Variants in MALRD1 observed in about 807,000 individuals in gnomAD.
MALRD1 encodes the protein MAM and LDL receptor class A domain containing 1, also known as MAM and LDL-receptor class A domain-containing protein 1.
MALRD1 carries 247 observed loss-of-function variants against 242.1 expected under a neutral mutation model. That is an observed-to-expected ratio of 1.02 (90% CI 0.92 to 1.13). The LOEUF (loss-of-function observed/expected upper bound fraction) is 1.13. Among genes scored for constraint, MALRD1 ranks in the 50% most tolerant of loss-of-function variants. The pLI, the probability that MALRD1 is intolerant of heterozygous loss-of-function variation, is 0.00. For synonymous variants in MALRD1, 995 were observed against 866.6 expected (o/e 1.15, Z -2.60); for missense variants, 2,989 against 2,533.1 (o/e 1.18, Z -3.86).
At chr10:19,362,807 C>T (rs1844946976) in intron 26 of MALRD1, among the ~76,000 whole-genome samples, 1 of 151,988 alleles carries the variant, frequency 6.6e-6, no homozygotes, top group Admixed American at 6.6e-5. Flanking sequence ...AGCAGCAGGA[C>T]TACTTAGGAG....
intron 30 of MALRD1, among the ~76,000 whole-genome samples, chr10:19,493,960 G>T (rs1020857092): frequency 2.6e-5 from 4 of 152,100 alleles, no homozygotes; most frequent in Non-Finnish European, 5.9e-5. Flanking sequence ...AGTCACCCAC[G>T]ACACAGTAAA....
At chr10:19,259,512 C>T (rs545521543) in intron 19 of MALRD1, among the ~76,000 whole-genome samples, 1 of 152,272 alleles carries the variant, frequency 6.6e-6, no homozygotes, top group Non-Finnish European at 1.5e-5. Context: ...TACAGGGTAA[C>T]TCCCCTTTAT....
chr10:19,360,980 A>G (rs1844869056), intron 26 of MALRD1, among the ~76,000 whole-genome samples: 1 of 152,022 alleles, frequency 6.6e-6, no homozygotes, highest in South Asian at 2.1e-4. Flanking sequence ...TTAACTACAT[A>G]AAAGTAAGCA....
At chr10:19,359,534 A>G (rs941380271) in intron 26 of MALRD1, among the ~76,000 whole-genome samples, 6 of 152,102 alleles carry the variant, frequency 3.9e-5, no homozygotes, top group Admixed American at 1.3e-4. Context: ...CTGTGGGCCA[A>G]TACTCCACTG....
At chr10:19,277,294 G>A (rs1840579280) in intron 19 of MALRD1, among the ~76,000 whole-genome samples, 1 of 152,134 alleles carries the variant, frequency 6.6e-6, no homozygotes, top group Admixed American at 6.5e-5. Flanking sequence ...TTGGGGAATA[G>A]AATGCTCATT....
At chr10:19,300,968 G>A (rs1007524858) in intron 21 of MALRD1, among the ~76,000 whole-genome samples, 3 of 152,004 alleles carry the variant, frequency 2.0e-5, no homozygotes. Context: ...CATTGGCAAA[G>A]GCCTAACTTC....
chr10:19,626,228 C>T (rs992013061), intron 36 of MALRD1, among the ~76,000 whole-genome samples: 1 of 151,358 alleles, frequency 6.6e-6, no homozygotes, highest in Admixed American at 6.6e-5. Context: ...ACTGTAGTCT[C>T]TCCCTTCAAA....
At chr10:19,530,471 T>TATATAATAA (rs1834359815) in intron 31 of MALRD1, among the ~76,000 whole-genome samples, 1 of 134,980 alleles carries the variant, frequency 7.4e-6, no homozygotes, top group Admixed American at 8.3e-5. Context: ...TAATAAATAA[T>TATATAATAA]TATATAATAT....
At chr10:19,265,049 G>A (rs1194073717) in intron 19 of MALRD1, among the ~76,000 whole-genome samples, 1 of 152,052 alleles carries the variant, frequency 6.6e-6, no homozygotes, top group Non-Finnish European at 1.5e-5. Context: ...ATTGTTCATA[G>A]CAGTCTCATA....
At chr10:19,653,205 A>AT (rs71507289) in intron 36 of MALRD1, among the ~76,000 whole-genome samples, 7,119 of 150,366 alleles carry the variant, frequency 0.047, 221 homozygotes, top group Middle Eastern at 0.095. Context: ...TATTATTATT[A>AT]TTTTTTTTTG....
intron 36 of MALRD1, among the ~76,000 whole-genome samples, chr10:19,673,733 C>A (rs1589385259): frequency 6.6e-6 from 1 of 152,108 alleles, no homozygotes; most frequent in African/African-American, 2.4e-5. Flanking sequence ...ATTGAACTAT[C>A]ATGGATTTCC....
intron 29 of MALRD1, among the ~76,000 whole-genome samples, chr10:19,485,311 T>G (rs1307352333): frequency 6.6e-6 from 1 of 152,146 alleles, no homozygotes; most frequent in African/African-American, 2.4e-5. Context: ...CCAAAACCAT[T>G]TCCACCCCTA....
chr10:19,677,676 A>G (rs1178874101), intron 36 of MALRD1, among the ~76,000 whole-genome samples: 2 of 152,138 alleles, frequency 1.3e-5, no homozygotes, highest in Non-Finnish European at 2.9e-5. Context: ...GTATAATTAG[A>G]TCCCATTTGT....
At chr10:19,524,737 A>G (rs2884449) in intron 31 of MALRD1, among the ~76,000 whole-genome samples, 41,533 of 151,794 alleles carry the variant, frequency 0.27, 7,715 homozygotes, top group African/African-American at 0.53. Context: ...AGAAAAAAAA[A>G]GTCTAAAACT....
intron 33 of MALRD1, among the ~76,000 whole-genome samples, chr10:19,580,527 T>C (rs1476826046): frequency 6.6e-6 from 1 of 152,164 alleles, no homozygotes; most frequent in Non-Finnish European, 1.5e-5. Flanking sequence ...CTTTTATTAG[T>C]GAGTAGCTTC....
chr10:19,254,722 A>G (rs998044877), intron 18 of MALRD1, among the ~76,000 whole-genome samples: 1 of 151,888 alleles, frequency 6.6e-6, no homozygotes, highest in African/African-American at 2.4e-5. Flanking sequence ...ATAAATTTAT[A>G]ATATATCTGA....
At chr10:19,643,017 C>A (rs930222279) in intron 36 of MALRD1, among the ~76,000 whole-genome samples, 5 of 152,146 alleles carry the variant, frequency 3.3e-5, no homozygotes, top group Non-Finnish European at 7.4e-5. Flanking sequence ...TTGAACGTTG[C>A]CATCTTATCA....
intron 26 of MALRD1, among the ~76,000 whole-genome samples, chr10:19,369,738 A>T (rs1845290520): frequency 6.6e-6 from 1 of 151,560 alleles, no homozygotes; most frequent in East Asian, 1.9e-4. Flanking sequence ...ATATTCCTCT[A>T]TGGAGTATCT....
chr10:19,369,031 A>G (rs969153802), intron 26 of MALRD1, among the ~76,000 whole-genome samples: 3 of 148,308 alleles, frequency 2.0e-5, no homozygotes, highest in Admixed American at 6.8e-5. Flanking sequence ...ACAGACAAAT[A>G]GATACTTTAG....
Sources: gnomAD v4.1 joint callset for allele counts (sites outside exome capture counted in the v4.1 genomes callset) on GRCh38, gnomAD v4.1.1 for gene constraint, MANE v1.5 for transcripts, NCBI Gene and HGNC (gene_info 2026-07-23, HGNC 2026-07-21) for gene names.